The following ANK3 variants were observed in gnomAD, a reference collection of about 807,000 sequenced individuals.
The protein encoded by ANK3 is ankyrin-3.
In ANK3, 57 loss-of-function variants were observed where a neutral mutation model predicts 370.9. The ratio of observed to expected loss-of-function variants is 0.15; its 90% confidence interval spans 0.12 to 0.19. ANK3 has a LOEUF of 0.19. ANK3 is among the 10% of genes least tolerant of loss of function. The probability of loss-of-function intolerance (pLI) is 1.00; values close to 1 mark genes in which losing one functional copy is unlikely to be tolerated. For missense variants in ANK3, 4,439 were observed against 5,302.1 expected (o/e 0.84, Z 5.06); for synonymous variants, 1,929 against 1,946.3 (o/e 0.99, Z 0.23).
chr10:60,328,573 C>G (rs1031093558), intron 1 of ANK3, among the ~76,000 whole-genome samples: 2 of 152,126 alleles, frequency 1.3e-5, no homozygotes, highest in Non-Finnish European at 2.9e-5. Flanking sequence ...CATACACCCT[C>G]CCAAGACTAA....
intron 25 of ANK3, among the ~76,000 whole-genome samples, chr10:60,128,252 T>C (rs918727233): frequency 1.3e-5 from 2 of 152,096 alleles, no homozygotes; most frequent in Non-Finnish European, 2.9e-5. Context: ...CACTGAGCAA[T>C]GCAGATGTAG....
chr10:60,343,046 AC>A (rs1256861888), intron 1 of ANK3, among the ~76,000 whole-genome samples: 2 of 152,162 alleles, frequency 1.3e-5, no homozygotes, highest in African/African-American at 4.8e-5. Flanking sequence ...AAGGCTGCAG[AC>A]CAAACACAGG....
intron 18 of ANK3, among the ~76,000 whole-genome samples, chr10:60,178,956 GC>G (rs1306603595): frequency 2.0e-5 from 3 of 151,848 alleles, no homozygotes; most frequent in Non-Finnish European, 4.4e-5. Flanking sequence ...CTGGAGGGGT[GC>G]GGGGGGAGAG....
intron 2 of ANK3, among the ~76,000 whole-genome samples, chr10:60,502,867 G>A (rs2075839991): frequency 7.1e-6 from 1 of 139,974 alleles, no homozygotes; most frequent in African/African-American, 2.6e-5. Context: ...AAAGAAAAAG[G>A]AAAATAAAGA....
chr10:60,720,891 G>T (rs903675604), intron 1 of ANK3, among the ~76,000 whole-genome samples: 2 of 152,186 alleles, frequency 1.3e-5, no homozygotes, highest in Admixed American at 6.5e-5. Context: ...GGGATTACAG[G>T]CATGGGACAC....
At chr10:60,057,001 C>T (rs528129347) in intron 41 of ANK3, among the ~76,000 whole-genome samples, 24 of 152,238 alleles carry the variant, frequency 1.6e-4, no homozygotes, top group East Asian at 3.9e-4. Flanking sequence ...CAAAAAATTG[C>T]GCCCTGTCTC....
chr10:60,236,335 C>T (rs899072112), intron 7 of ANK3, among the ~76,000 whole-genome samples: 3 of 150,294 alleles, frequency 2.0e-5, no homozygotes, highest in African/African-American at 7.6e-5. Context: ...AGACCCCCTC[C>T]ATGTTCAAAT....
intron 1 of ANK3, among the ~76,000 whole-genome samples, chr10:60,714,220 C>T (rs749461146): frequency 1.3e-5 from 2 of 152,120 alleles, no homozygotes; most frequent in Admixed American, 1.3e-4. Flanking sequence ...TCTGAATAAT[C>T]CTTATCTATT....
chr10:60,662,495 C>T (rs1004401482), intron 1 of ANK3, among the ~76,000 whole-genome samples: 1 of 152,066 alleles, frequency 6.6e-6, no homozygotes, highest in African/African-American at 2.4e-5. Flanking sequence ...TTGTTAGAAC[C>T]AAATCCTAAC....
At chr10:60,086,606 T>C in intron 30 of ANK3, 71 bp downstream of exon 30, 3 of 1,352,696 alleles carry the variant, frequency 2.2e-6, no homozygotes, top group Non-Finnish European at 3.0e-6. Flanking sequence ...TTTTATATCT[T>C]TGTACACAAA....
At chr10:60,578,806 A>G (rs1050998328) in intron 2 of ANK3, among the ~76,000 whole-genome samples, 4 of 152,202 alleles carry the variant, frequency 2.6e-5, no homozygotes, top group African/African-American at 7.2e-5. Flanking sequence ...CTAAAATAAA[A>G]GGGATTAGAA....
chr10:60,430,549 G>A (rs1032298237), intron 2 of ANK3, among the ~76,000 whole-genome samples: 2 of 152,180 alleles, frequency 1.3e-5, no homozygotes, highest in African/African-American at 4.8e-5. Context: ...AAGATTGAAA[G>A]GGGGTGCTAT....
Position 60,074,809 on chromosome 10 carries a change from G to T in ANK3, c.6072C>A (p.Ser2024=). The part of the protein sequence containing the change: ...ERVQVKAKAA[S]EKDYNLTKVI... ...CTTTGGTCAAGTTATAATCCTTTTC[G>T]GAGGCGGCTTTTGCTTTTACTTGCA... The change falls in exon 37 of 44, where the codon TCC becomes TCA. Residue 2024 remains serine, a synonymous_variant. Coordinates refer to ENST00000280772, the MANE Select transcript of ANK3 (RefSeq NM_020987.5). The T allele has an allele frequency of 6.2e-7, 1 of 1,613,774 alleles. No individual in the cohort carries two copies. Among genetic ancestry groups the T allele is most frequent in the Non-Finnish European group, 8.5e-7 (1 of 1,179,948 alleles).
chr10:60,069,450 G>A lies in ANK3; in HGVS notation c.11431C>T (p.His3811Tyr). Residue 3811 changes from histidine (H) to tyrosine (Y), a missense_variant, in exon 37 of 44, where the codon CAT becomes TAT. Transcript: ENST00000280772. ...NIMSNIVLTE[H>Y]SAPTCTTEKD... Reference sequence around the variant, plus strand: ...TCTGTGGTACAAGTGGGTGCAGAATGTTCTGTCAGAACTATATTACTCATA... The same window carrying A: ...TCTGTGGTACAAGTGGGTGCAGAATATTCTGTCAGAACTATATTACTCATA... 3 of 1,614,038 alleles carry A rather than the reference G, an allele frequency of 1.9e-6. No individual in the cohort carries two copies. Among genetic ancestry groups the A allele is most frequent in the African/African-American group, 1.3e-5 (1 of 75,008 alleles).
At chr10:60,706,147 A>AT (rs984738620) in intron 1 of ANK3, among the ~76,000 whole-genome samples, 4 of 152,026 alleles carry the variant, frequency 2.6e-5, no homozygotes, top group African/African-American at 9.7e-5. Flanking sequence ...AAAGGTTCTT[A>AT]TTTTCTGATT....
chr10:60,240,038 C>T (rs867839080), intron 7 of ANK3, among the ~76,000 whole-genome samples: 5 of 135,996 alleles, frequency 3.7e-5, no homozygotes, highest in African/African-American at 8.4e-5. Context: ...TATATATACA[C>T]ATATATATAC....
intron 2 of ANK3, among the ~76,000 whole-genome samples, chr10:60,576,046 G>A (rs952689024): frequency 2.6e-5 from 4 of 152,102 alleles, no homozygotes; most frequent in South Asian, 4.1e-4. Flanking sequence ...ACTTTGCGGC[G>A]GTAATCTCTT....
At chr10:60,082,445 A>G (rs968551002) in intron 34 of ANK3, 170 bp downstream of exon 34, 3 of 924,344 alleles carry the variant, frequency 3.2e-6, no homozygotes, top group Non-Finnish European at 4.8e-6. Context: ...CATACAAACT[A>G]TAAGAATTTG....
rs10994414 is a variant in ANK3 at position 60,559,081 on chromosome 10, C to T, written c.96+56105G>A. Among the ~76,000 whole-genome samples the T allele has an allele frequency of 4.7e-3, 712 of 152,266 alleles. 19 individuals carry two copies. The East Asian group carries it at 0.092, about 20-fold the overall frequency. ...TCTTATGCTAGCAATGCTTTTAACA[C>T]TAATGAGAACAATAGTTACTATATG... On this transcript the variant is annotated intron_variant, in intron 2 of 43. Transcript: ENST00000373827.
Sources: allele counts gnomAD v4.1 joint callset (sites outside exome capture counted in the v4.1 genomes callset), GRCh38; gene constraint gnomAD v4.1.1; transcripts MANE v1.5; gene names NCBI Gene and HGNC (gene_info 2026-07-23, HGNC 2026-07-21).